PHKA1: variants seen among roughly 807,000 people sequenced by gnomAD.
The protein encoded by PHKA1 is phosphorylase b kinase regulatory subunit alpha, skeletal muscle isoform.
Under a neutral mutation model 110.2 loss-of-function variants are expected in PHKA1, and 60 were observed. The ratio of observed to expected loss-of-function variants is 0.54; its 90% confidence interval spans 0.44 to 0.68. The LOEUF (loss-of-function observed/expected upper bound fraction) is 0.68, where lower values mean the gene tolerates loss of function less well. Ranked by LOEUF, PHKA1 falls within the 30% of genes least tolerant of loss-of-function variation. The pLI is 0.00. For missense variants in PHKA1, 801 were observed against 942.5 expected (o/e 0.85, Z 1.97); for synonymous variants, 316 against 333.6 (o/e 0.95, Z 0.58).
chrX:72,705,324 C>T (rs781803078), intron 2 of PHKA1, 79 bp from the exon 3 acceptor site: 4 of 735,499 alleles, frequency 5.4e-6, no homozygotes, highest in Non-Finnish European at 8.4e-6. Context: ...GCAGATGGTA[C>T]ATGACCTTTT....
chrX:72,581,349 T>A (rs1340720861), intron 31 of PHKA1, among the ~76,000 whole-genome samples, 174 bp from the exon 32 acceptor site: 4 of 111,663 alleles, frequency 3.6e-5, no homozygotes, highest in African/African-American at 1.3e-4. Flanking sequence ...AATATGAGTT[T>A]GTATGCAGGC....
At chrX:72,670,957 T>C (rs1169167416) in intron 6 of PHKA1, among the ~76,000 whole-genome samples, 2 of 111,802 alleles carry the variant, frequency 1.8e-5, no homozygotes, top group African/African-American at 6.5e-5. Context: ...GAGCTATCTA[T>C]GACAAACCCA....
chrX:72,680,835 G>A (rs1275523062), intron 5 of PHKA1, among the ~76,000 whole-genome samples: 3 of 80,010 alleles, frequency 3.7e-5, no homozygotes, highest in African/African-American at 5.0e-5. Context: ...AGCGCCGCCC[G>A]GGAGGCAGCG....
At chrX:72,594,581 G>T (rs2052564998) in intron 28 of PHKA1, among the ~76,000 whole-genome samples, 1 of 112,421 alleles carries the variant, frequency 8.9e-6, no homozygotes, top group Non-Finnish European at 1.9e-5. Flanking sequence ...CATAAAGAAA[G>T]ATAACATCTT....
chrX:72,609,657 A>G lies in PHKA1; in HGVS notation c.2573T>C (p.Leu858Pro). Residue 858 changes from leucine (L) to proline (P), a missense_variant, in exon 23 of 32, where the codon CTT (leucine) becomes CCT (proline). By Grantham distance (98) the Leu-to-Pro change is moderately conservative. This residue lies in a region of PHKA1 where 502 missense variants were observed against 519.2 expected (regional missense o/e 0.97). Coordinates refer to ENST00000373542, the MANE Select transcript of PHKA1 (RefSeq NM_002637.4). ...LSHQKHLTVG[L>P]PPEPREKTIS... ...AGTCTTTTCTCGAGGTTCTGGAGGA[A>G]GTCCTACTGTCAAATGTTTCTGGTG... 5 of 1,206,260 alleles carry G rather than the reference A, an allele frequency of 4.1e-6. No homozygotes were observed. Among genetic ancestry groups the G allele is most frequent in the Non-Finnish European group, 5.6e-6 (5 of 890,422 alleles).
chrX:72,703,980 CACAA>C (rs2054242603), intron 3 of PHKA1, among the ~76,000 whole-genome samples: 2 of 111,855 alleles, frequency 1.8e-5, no homozygotes, highest in South Asian at 3.8e-4. Flanking sequence ...GCAAAAATAT[CACAA>C]ACAAGCCTCA....
rs1171276586 is a variant in PHKA1, at chrX:72,699,507, C to CAAA, written c.286-3634_286-3632dup. The stretch of plus-strand genomic sequence containing the variant: ...CTGGCCACAGAGCAAGACTCCATCT[C>CAAA]AAAAAAAAAAAAAAAAAAAAAAAAA... On this transcript the variant is annotated intron_variant, in intron 3 of 31. Coordinates refer to ENST00000373542, the MANE Select transcript of PHKA1 (RefSeq NM_002637.4). Among the ~76,000 whole-genome samples, 135 of 16,598 alleles carry CAAA rather than the reference C, an allele frequency of 8.1e-3. 1 individual carries two copies. The highest frequency in any genetic ancestry group is 0.021 in the East Asian group (13 of 623). The allele number at this position is 16,598 out of a possible 115,157, so 14.4% of individuals were successfully genotyped here. A position where few individuals can be genotyped will look rare whatever the true frequency, so the allele number is the denominator to read the frequency against.
intron 17 of PHKA1, among the ~76,000 whole-genome samples, chrX:72,625,138 G>A (rs2053038955): frequency 9.0e-6 from 1 of 111,597 alleles, no homozygotes; most frequent in Non-Finnish European, 1.9e-5. Flanking sequence ...AGGGGTACAT[G>A]TGCAGATTTG....
intron 21 of PHKA1, among the ~76,000 whole-genome samples, chrX:72,615,100 G>A (rs1185424964): frequency 1.8e-5 from 2 of 111,216 alleles, no homozygotes; most frequent in Admixed American, 9.6e-5. Flanking sequence ...ACCCTTATAG[G>A]CCAGGAGATA....
intron 12 of PHKA1, among the ~76,000 whole-genome samples, chrX:72,651,339 C>G (rs911672973): frequency 9.0e-6 from 1 of 110,830 alleles, no homozygotes; most frequent in Non-Finnish European, 1.9e-5. Flanking sequence ...GCTTTCGAGA[C>G]CAGCCTGACC....
At chrX:72,676,819 C>T (rs2053784757) in intron 5 of PHKA1, among the ~76,000 whole-genome samples, 1 of 112,187 alleles carries the variant, frequency 8.9e-6, no homozygotes, top group Admixed American at 9.4e-5. Context: ...TAGACTTATA[C>T]AAAAGTTGCA....
Position 72,599,712 on chromosome X carries a change from CTTGA to C in PHKA1, c.3072+2275_3072+2278del, listed in dbSNP as rs1569426206. ...AAATTGCTTTATACTTATTTTAATT[CTTGA>C]TTAATTTTTTTTTTAATCAACCAGT... On this transcript the variant is annotated intron_variant, in intron 28 of 31. Coordinates refer to ENST00000373542, the MANE Select transcript of PHKA1 (RefSeq NM_002637.4). 5 of 376,829 alleles carry C rather than the reference CTTGA, an allele frequency of 1.3e-5. No individual in the cohort carries two copies. The Admixed American group carries it at 1.9e-4, about 14-fold the overall frequency. The allele number at this position is 376,829 out of a possible 1,213,427, so 31.1% of individuals were successfully genotyped here.
At position 72,627,993 on chromosome X, in the gene PHKA1, ATTTTTTTTGTTT is replaced by A. The variant is rs1199398763; in HGVS notation, c.1715-956_1715-945del. ...CCACCACGCCTGGCTAATTTTTTGT[ATTTTTTTTGTTT>A]TTTTTAGTAGAGACGGGGTTTCACT... On this transcript the variant is annotated intron_variant, in intron 16 of 31. Coordinates refer to ENST00000373542, the MANE Select transcript of PHKA1 (RefSeq NM_002637.4). Among the ~76,000 whole-genome samples the A allele has an allele frequency of 3.8e-5, 4 of 105,922 alleles. No individual in the cohort carries two copies. The South Asian group carries it at 1.3e-3, about 34-fold the overall frequency. The allele number at this position is 105,922 out of a possible 115,157, so 92.0% of individuals were successfully genotyped here. A position where few individuals can be genotyped will look rare whatever the true frequency, so the allele number is the denominator to read the frequency against.
chrX:72,615,751 GGGGAA>G (rs1380528063), intron 21 of PHKA1, among the ~76,000 whole-genome samples: 6 of 44,753 alleles, frequency 1.3e-4, no homozygotes, highest in African/African-American at 8.0e-4. Context: ...AGAAGGAGGG[GGGGAA>G]GGAAGGAAGG....
At chrX:72,601,943 G>A (rs1342062122) in intron 28 of PHKA1, 48 bp downstream of exon 28, 13 of 981,056 alleles carry the variant, frequency 1.3e-5, no homozygotes, top group Admixed American at 6.8e-5. Context: ...ATGTTATACA[G>A]AACTAAAGGT....
chrX:72,589,257 G>T (rs925916568), intron 29 of PHKA1, among the ~76,000 whole-genome samples: 1 of 111,885 alleles, frequency 8.9e-6, no homozygotes, highest in African/African-American at 3.3e-5. Context: ...TCCCTGGGAT[G>T]CAAGGCTGCT....
intron 2 of PHKA1, among the ~76,000 whole-genome samples, chrX:72,706,843 T>C (rs1299312625): frequency 9.0e-6 from 1 of 111,557 alleles, no homozygotes; most frequent in East Asian, 2.8e-4. Flanking sequence ...ATCTGGGGAA[T>C]CAAGGACTCA....
chrX:72,584,943 A>G (rs2052397575), intron 29 of PHKA1, among the ~76,000 whole-genome samples: 1 of 79,965 alleles, frequency 1.3e-5, no homozygotes, highest in Non-Finnish European at 2.2e-5. Context: ...GATGTTCCCC[A>G]TCCTGTGTCC....
Position 72,652,567 on chromosome X carries a change from T to G in PHKA1, c.1222A>C (p.Ile408Leu). 8.5e-7 allele frequency: 1 copy of G among 1,176,720 alleles called. No homozygotes were observed. Among genetic ancestry groups the G allele is most frequent in the Non-Finnish European group, 1.2e-6 (1 of 863,784 alleles). Residue 408 changes from isoleucine (I) to leucine (L), a missense_variant, in exon 12 of 32, where the codon ATT becomes CTT. Coordinates refer to ENST00000373542, the MANE Select transcript of PHKA1 (RefSeq NM_002637.4). ...LPHMWGQSLY[I>L]LGSLMAEGFL... is the part of the protein sequence containing the mutation. ...ACCTCTGCCATCAAGCTTCCTAAAATGTATAGAGACTGACCCCACATGTGA... is the reference window on the plus strand; with the variant it reads ...ACCTCTGCCATCAAGCTTCCTAAAAGGTATAGAGACTGACCCCACATGTGA...
Sources: allele counts gnomAD v4.1 joint callset (sites outside exome capture counted in the v4.1 genomes callset), GRCh38; gene constraint gnomAD v4.1.1; regional missense constraint gnomAD v4.1.1; transcripts MANE v1.5; gene names NCBI Gene and HGNC (gene_info 2026-07-23, HGNC 2026-07-21).